Variants in CHRM2 observed in about 807,000 individuals in gnomAD.
CHRM2 encodes muscarinic acetylcholine receptor M2.
CHRM2 carries 8 observed loss-of-function variants against 25.0 expected under a neutral mutation model. The ratio of observed to expected loss-of-function variants is 0.32; its 90% confidence interval spans 0.19 to 0.58. CHRM2 has a LOEUF of 0.58. Ranked by LOEUF, CHRM2 falls within the 20% of genes least tolerant of loss-of-function variation. CHRM2 has a pLI of 0.88. For synonymous variants in CHRM2, 202 were observed against 205.7 expected, an observed-to-expected ratio of 0.98 and a Z score of 0.15; for missense variants, 440 against 567.1, an observed-to-expected ratio of 0.78 and a Z score of 2.28.
intron 2 of CHRM2, among the ~76,000 whole-genome samples, chr7:136,933,727 T>C (rs989245722): frequency 6.6e-6 from 1 of 152,178 alleles, no homozygotes; most frequent in Admixed American, 6.5e-5. Flanking sequence ...AAATGGAATA[T>C]TATTCACCAA....
chr7:137,013,847 G>C (rs1804988442), intron 3 of CHRM2, among the ~76,000 whole-genome samples: 1 of 152,012 alleles, frequency 6.6e-6, no homozygotes, highest in Non-Finnish European at 1.5e-5. Flanking sequence ...AAGAGAAGCT[G>C]CTCAATAGAT....
Position 136,994,925 on chromosome 7 carries a change from G to A in CHRM2, c.-47+2661G>A, listed in dbSNP as rs188286077. Among the ~76,000 whole-genome samples, 33 of 151,964 alleles carry A rather than the reference G, an allele frequency of 2.2e-4. 1 individual carries two copies. The East Asian group carries it at 5.0e-3, about 23-fold the overall frequency. ...AAACTCTGTTCTTATCCATAACTTC[G>A]TTGCAATAGCCACCAGGTTATTACA... On this transcript the variant is annotated intron_variant, in intron 3 of 3. Transcript: ENST00000680005.
At position 137,015,015 on chromosome 7, in the gene CHRM2, C is replaced by T. The variant is rs144511065; in HGVS notation, c.150C>T (p.Val50=). ...TCCTAGTCATGGTTTCCATTAAAGT[C>T]AACCGCCACCTCCAGACCGTCAACA... ...GNILVMVSIK[V]NRHLQTVNNY... The change falls in exon 4 of 4, where the codon GTC becomes GTT. Residue 50 remains valine (V), a synonymous_variant. Coordinates refer to ENST00000680005, the MANE Select transcript of CHRM2 (RefSeq NM_001006630.2). The surrounding 1 kb of genome is among the most constrained non-coding windows in gnomAD (Gnocchi z 5.1). 1,010 of 1,613,342 alleles carry T rather than the reference C, an allele frequency of 6.3e-4. No individual in the cohort carries two copies. The highest frequency in any genetic ancestry group is 7.7e-4 in the Non-Finnish European group (913 of 1,179,580).
At chr7:136,883,272 G>T (rs1171200326) in intron 2 of CHRM2, among the ~76,000 whole-genome samples, 2 of 152,144 alleles carry the variant, frequency 1.3e-5, no homozygotes, top group Non-Finnish European at 2.9e-5. Context: ...TCAGCCTCCG[G>T]TGTCTCCCAA....
chr7:136,916,200 C>A (rs1480294345), intron 2 of CHRM2, among the ~76,000 whole-genome samples: 1 of 151,656 alleles, frequency 6.6e-6, no homozygotes, highest in Non-Finnish European at 1.5e-5. Flanking sequence ...ATAAGTGTAT[C>A]AATTAAACGC....
At chr7:136,905,691 A>G (rs1797498194) in intron 2 of CHRM2, among the ~76,000 whole-genome samples, 1 of 151,340 alleles carries the variant, frequency 6.6e-6, no homozygotes, top group South Asian at 2.1e-4. Flanking sequence ...ATTTATTTTG[A>G]TCTTCCAGTC....
At chr7:136,940,508 G>A (rs1799704690) in intron 2 of CHRM2, among the ~76,000 whole-genome samples, 1 of 152,160 alleles carries the variant, frequency 6.6e-6, no homozygotes, top group Admixed American at 6.5e-5. Context: ...AACTTACTGA[G>A]TTATTGAGAT....
Position 136,938,702 on chromosome 7 carries a change from T to C in CHRM2, c.-124-53485T>C, listed in dbSNP as rs976118177. On this transcript the variant is annotated intron_variant, in intron 2 of 3. Transcript: ENST00000680005. Reference sequence around the variant, plus strand: ...GGCCCAGGGGCCAGAGGTGGACACCTTGTAGGACTGTACCCCTCCTGCGCT... The same window carrying C: ...GGCCCAGGGGCCAGAGGTGGACACCCTGTAGGACTGTACCCCTCCTGCGCT... The C allele has an allele frequency of 3.7e-5, 28 of 756,434 alleles. No individual in the cohort carries two copies. The African/African-American group carries it at 3.8e-4, about 10-fold the overall frequency. 46.9% of individuals were successfully genotyped at this position (756,434 alleles called of 1,614,324 possible). A position where few individuals can be genotyped will look rare whatever the true frequency, so the allele number is the denominator to read the frequency against.
At chr7:136,920,577 C>A (rs372805546) in intron 2 of CHRM2, among the ~76,000 whole-genome samples, 1 of 152,164 alleles carries the variant, frequency 6.6e-6, no homozygotes, top group Non-Finnish European at 1.5e-5. Context: ...TGTTGCCCTA[C>A]TGCCTTTTGC....
At position 136,983,751 on chromosome 7, in the gene CHRM2, T is replaced by A. The variant is rs561650195; in HGVS notation, c.-124-8436T>A. 1.4e-4 allele frequency among the ~76,000 whole-genome samples: 21 copies of A among 152,302 alleles called. No homozygotes were observed. In the South Asian group the frequency reaches 4.4e-3, roughly 32 times the overall value. On this transcript the variant is annotated intron_variant, in intron 2 of 3. Coordinates refer to ENST00000680005, the MANE Select transcript of CHRM2 (RefSeq NM_001006630.2). ...CCACTTCAGACCCTGTTTGCCTGGG[T>A]GTCACCAGCAGAGGCTGCAGAACAG...
chr7:137,017,353 A>G lies in CHRM2; in HGVS notation c.*1087A>G, dbSNP rs1356525825. 1.3e-5 allele frequency: 2 copies of G among 151,922 alleles called. No homozygotes were observed. Among genetic ancestry groups the G allele is most frequent in the African/African-American group, 4.8e-5 (2 of 41,414 alleles). The allele number at this position is 151,922 out of a possible 1,614,324, so 9.4% of individuals were successfully genotyped here. The stretch of plus-strand genomic sequence containing the variant: ...TGTATGAAATGTTAACTTATAGAAA[A>G]TGAACTCCTGACTTTCTCAGCAGAA... On this transcript the variant is annotated 3_prime_UTR_variant, in exon 4 of 4. Transcript: ENST00000680005.
At chr7:136,891,542 T>A (rs1584705000) in intron 2 of CHRM2, among the ~76,000 whole-genome samples, 1 of 152,290 alleles carries the variant, frequency 6.6e-6, no homozygotes. Flanking sequence ...CAAGATAGCA[T>A]TTGCTGTGAC....
At chr7:136,951,967 C>T (rs1800437914) in intron 2 of CHRM2, among the ~76,000 whole-genome samples, 1 of 152,092 alleles carries the variant, frequency 6.6e-6, no homozygotes, top group African/African-American at 2.4e-5. Context: ...ATCTTTGGGG[C>T]ATCTCTTATC....
intron 2 of CHRM2, among the ~76,000 whole-genome samples, chr7:136,972,239 TA>T (rs1425353632): frequency 6.6e-6 from 1 of 152,064 alleles, no homozygotes; most frequent in African/African-American, 2.4e-5. Context: ...TATATGAGAG[TA>T]AAATCCTTAT....
At chr7:136,979,183 G>A (rs780464449) in intron 2 of CHRM2, among the ~76,000 whole-genome samples, 1 of 152,110 alleles carries the variant, frequency 6.6e-6, no homozygotes, top group Non-Finnish European at 1.5e-5. Flanking sequence ...GTTTTGATTT[G>A]CATTTCTCTA....
At chr7:136,930,713 C>T (rs892652752) in intron 2 of CHRM2, among the ~76,000 whole-genome samples, 2 of 151,592 alleles carry the variant, frequency 1.3e-5, no homozygotes, top group African/African-American at 4.8e-5. Flanking sequence ...GTGGTTAACA[C>T]GGTGAAACCC....
rs35224192 is a variant in CHRM2 at position 136,916,834 on chromosome 7, TTCTC to T, written c.-125+47434_-125+47437del. The stretch of plus-strand genomic sequence containing the variant: ...ATTTATTCTATCATTCTCCCTCTCT[TTCTC>T]TCTCTCTCTCTCTCTCTGTCACTAT... On this transcript the variant is annotated intron_variant, in intron 2 of 3. Transcript: ENST00000680005. Among the ~76,000 whole-genome samples the T allele has an allele frequency of 6.6e-4, 98 of 148,650 alleles. 1 individual carries two copies. Among genetic ancestry groups the T allele is most frequent in the Middle Eastern group, 3.5e-3 (1 of 286 alleles).
rs544304000 is a variant in CHRM2 at position 136,890,094 on chromosome 7, A to C, written c.-125+20676A>C. ...TTTTCTAACCTGGGATCCTATGTCAAGGTTATTGCCAAATTATCAAGACAG... is the reference window on the plus strand; with the variant it reads ...TTTTCTAACCTGGGATCCTATGTCACGGTTATTGCCAAATTATCAAGACAG... On this transcript the variant is annotated intron_variant, in intron 2 of 3. Transcript: ENST00000680005. 1.3e-5 allele frequency among the ~76,000 whole-genome samples: 2 copies of C among 152,340 alleles called. 1 individual carries two copies. Among genetic ancestry groups the C allele is most frequent in the South Asian group, 4.1e-4 (2 of 4,826 alleles).
intron 2 of CHRM2, among the ~76,000 whole-genome samples, chr7:136,892,302 G>A (rs375521774): frequency 2.8e-4 from 43 of 152,252 alleles, no homozygotes; most frequent in African/African-American, 9.9e-4. Flanking sequence ...AAGACAGAAA[G>A]AACAAAATTT....
Sources: allele counts gnomAD v4.1 joint callset (sites outside exome capture counted in the v4.1 genomes callset), GRCh38; gene constraint gnomAD v4.1.1; non-coding constraint Gnocchi (gnomAD v3.1); transcripts MANE v1.5; gene names NCBI Gene and HGNC (gene_info 2026-07-23, HGNC 2026-07-21).